UBAC2: variants seen among roughly 807,000 people sequenced by gnomAD.
The protein encoded by UBAC2 is UBA domain containing 2.
In UBAC2, 26 loss-of-function variants were observed where a neutral mutation model predicts 44.0. The ratio of observed to expected loss-of-function variants is 0.59; its 90% CI spans 0.43 to 0.82. The LOEUF (loss-of-function observed/expected upper bound fraction) is 0.82. Ranked by LOEUF, UBAC2 falls within the 40% of genes least tolerant of loss-of-function variation. UBAC2 has a pLI of 0.00. For synonymous variants in UBAC2, 155 were observed against 154.3 expected (o/e 1.00, Z -0.04); for missense variants, 329 against 419.4 (o/e 0.78, Z 1.88).
intron 1 of UBAC2, among the ~76,000 whole-genome samples, chr13:99,223,856 G>T (rs1277449191): frequency 1.3e-5 from 2 of 151,924 alleles, no homozygotes; most frequent in African/African-American, 4.8e-5. Flanking sequence ...TGCTTTATAT[G>T]ATTTTAATTC....
intron 6 of UBAC2, among the ~76,000 whole-genome samples, chr13:99,318,861 T>A (rs1472307203): frequency 6.7e-6 from 1 of 148,640 alleles, no homozygotes; most frequent in African/African-American, 2.5e-5. Context: ...CAGGGAAAAT[T>A]GAGACAAAGG....
intron 1 of UBAC2, among the ~76,000 whole-genome samples, chr13:99,217,062 C>G (rs1009758031): frequency 5.9e-5 from 9 of 152,130 alleles, no homozygotes; most frequent in African/African-American, 2.2e-4. Context: ...AACACCTGAC[C>G]TTGGGTGATC....
intron 1 of UBAC2, among the ~76,000 whole-genome samples, chr13:99,210,227 C>A (rs1010796375): frequency 6.6e-6 from 1 of 152,068 alleles, no homozygotes; most frequent in Non-Finnish European, 1.5e-5. Flanking sequence ...AGTACGTGTT[C>A]ATCAGAGACA....
At chr13:99,305,554 C>T (rs925541573) in intron 4 of UBAC2, among the ~76,000 whole-genome samples, 8 of 152,094 alleles carry the variant, frequency 5.3e-5, no homozygotes, top group African/African-American at 1.9e-4. Flanking sequence ...AACCAACCTA[C>T]AATAGATATC....
intron 4 of UBAC2, among the ~76,000 whole-genome samples, chr13:99,264,396 T>C (rs1015089493): frequency 3.3e-4 from 51 of 152,338 alleles, no homozygotes; most frequent in African/African-American, 1.2e-3. Flanking sequence ...TGCTGTACTT[T>C]TCTGTATATG....
Position 99,238,438 on chromosome 13 carries a change from C to G in UBAC2, c.43C>G (p.Leu15Val), listed in dbSNP as rs1415690871. 6.2e-7 allele frequency: 1 copy of G among 1,613,466 alleles called. No homozygotes were observed. Among genetic ancestry groups the G allele is most frequent in the Non-Finnish European group, 8.5e-7 (1 of 1,179,678 alleles). ...TGSSGLYKAP[L>V]SKSLLLVPSA... ...CTTTTTCCCTCCAGACAAGGCGCCTCTGTCGAAGAGCCTTCTGCTGGTCCC... is the reference window on the plus strand; with the variant it reads ...CTTTTTCCCTCCAGACAAGGCGCCTGTGTCGAAGAGCCTTCTGCTGGTCCC... Residue 15 changes from leucine (L) to valine (V), a missense_variant, in exon 2 of 9, where the codon CTG becomes GTG. Coordinates refer to ENST00000403766, the MANE Select transcript of UBAC2 (RefSeq NM_001144072.2).
chr13:99,274,075 A>C (rs557578962), intron 4 of UBAC2, among the ~76,000 whole-genome samples: 1 of 151,114 alleles, frequency 6.6e-6, no homozygotes, highest in South Asian at 2.1e-4. Flanking sequence ...AATGTGACCC[A>C]CTCCCTAAAA....
Position 99,284,665 on chromosome 13 carries a change from A to G in UBAC2, c.390-29432A>G, listed in dbSNP as rs147624557. 9.1e-4 allele frequency among the ~76,000 whole-genome samples: 139 copies of G among 152,328 alleles called. 2 individuals carry two copies. Among genetic ancestry groups the G allele is most frequent in the African/African-American group, 3.1e-3 (128 of 41,570 alleles). ...GTCCTTTATGGCAAAAAGGAAAATC[A>G]AAATTCTAGTCCATCGTCTGGTTCA... On this transcript the variant is annotated intron_variant, in intron 4 of 8. Coordinates refer to ENST00000403766, the MANE Select transcript of UBAC2 (RefSeq NM_001144072.2).
At chr13:99,348,662 G>A (rs1173686859) in intron 7 of UBAC2, among the ~76,000 whole-genome samples, 3 of 152,224 alleles carry the variant, frequency 2.0e-5, no homozygotes, top group Non-Finnish European at 4.4e-5. Context: ...AGGAGAGTAA[G>A]TTAGATTTAT....
chr13:99,336,406 C>A (rs1028093552), intron 6 of UBAC2, among the ~76,000 whole-genome samples: 2 of 152,104 alleles, frequency 1.3e-5, no homozygotes, highest in African/African-American at 4.8e-5. Context: ...TTTTGCCACC[C>A]CAGTGCCAAA....
At position 99,243,880 on chromosome 13, in the gene UBAC2, A is replaced by T. The variant is rs2043349673; in HGVS notation, c.208A>T (p.Thr70Ser). The T allele has an allele frequency of 2.5e-6, 4 of 1,574,834 alleles. No individual in the cohort carries two copies. In the East Asian group the frequency reaches 9.1e-5, roughly 36 times the overall value. The change falls in exon 3 of 9, where the codon ACT (threonine) becomes TCT (serine). Residue 70 changes from threonine to serine, a missense_variant. Transcript: ENST00000403766. ...AATAATTTGCCTTGATTTGAAAGAT[A>T]CTTTCTGCAGTAGTCTGCTTATTTA... ...GRIICLDLKDTFCSSLLIYNF... is the reference protein window; with the variant it reads ...GRIICLDLKDSFCSSLLIYNF...
intron 4 of UBAC2, among the ~76,000 whole-genome samples, chr13:99,308,437 G>A (rs887471477): frequency 6.6e-6 from 1 of 152,106 alleles, no homozygotes; most frequent in African/African-American, 2.4e-5. Flanking sequence ...CTAGCGGGAG[G>A]GTCAGTAAGA....
intron 6 of UBAC2, among the ~76,000 whole-genome samples, chr13:99,319,164 A>G (rs1423398723): frequency 2.0e-5 from 3 of 152,140 alleles, no homozygotes; most frequent in Non-Finnish European, 4.4e-5. Context: ...TGTCTATGCT[A>G]TTGTATTTTA....
chr13:99,251,047 C>T (rs2043452665), intron 4 of UBAC2, among the ~76,000 whole-genome samples: 1 of 152,162 alleles, frequency 6.6e-6, no homozygotes, highest in Non-Finnish European at 1.5e-5. Flanking sequence ...GCCACCAAGC[C>T]TGGCCATCTT....
chr13:99,317,480 C>T (rs2044508563), intron 5 of UBAC2, among the ~76,000 whole-genome samples: 1 of 152,150 alleles, frequency 6.6e-6, no homozygotes, highest in Non-Finnish European at 1.5e-5. Flanking sequence ...ATTTAGTTTG[C>T]TCTTCCTTGG....
intron 1 of UBAC2, among the ~76,000 whole-genome samples, 196 bp from the exon 2 acceptor site, chr13:99,238,231 C>T (rs2043261351): frequency 6.6e-6 from 1 of 152,170 alleles, no homozygotes. Flanking sequence ...GGGCATTCTG[C>T]TTGTTTCCAG....
rs2044866580 is a variant in UBAC2, at chr13:99,340,365, G to A, written c.607G>A (p.Val203Met). The change falls in exon 7 of 9, where the codon GTG becomes ATG. Residue 203 changes from valine (V) to methionine (M), a missense_variant. Coordinates refer to ENST00000403766, the MANE Select transcript of UBAC2 (RefSeq NM_001144072.2). ...YDSKMFQVHQ[V>M]LCIPSWMAKF... Reference sequence around the variant, plus strand: ...CAGCAAAATGTTCCAGGTGCATCAGGTGCTCTGCATCCCCAGCTGGATGGC... The same window carrying A: ...CAGCAAAATGTTCCAGGTGCATCAGATGCTCTGCATCCCCAGCTGGATGGC... The A allele has an allele frequency of 6.2e-7, 1 of 1,614,076 alleles. No homozygotes were observed. Among genetic ancestry groups the A allele is most frequent in the Non-Finnish European group, 8.5e-7 (1 of 1,180,044 alleles).
intron 4 of UBAC2, among the ~76,000 whole-genome samples, chr13:99,267,925 G>A (rs926420919): frequency 1.3e-5 from 2 of 152,208 alleles, no homozygotes; most frequent in African/African-American, 4.8e-5. Flanking sequence ...GGGGTAGGCA[G>A]GCTCTGTACC....
chr13:99,225,831 T>C (rs552005940), intron 1 of UBAC2, among the ~76,000 whole-genome samples: 3 of 152,356 alleles, frequency 2.0e-5, no homozygotes, highest in East Asian at 3.9e-4. Context: ...TTAATGATTC[T>C]AAAATTGGAA....
Sources: gnomAD v4.1 joint callset for allele counts (sites outside exome capture counted in the v4.1 genomes callset) on GRCh38, gnomAD v4.1.1 for gene constraint, MANE v1.5 for transcripts, NCBI Gene and HGNC (gene_info 2026-07-23, HGNC 2026-07-21) for gene names.